FFAR4: variants seen among roughly 807,000 people sequenced by gnomAD.
FFAR4 encodes free fatty acid receptor 4, also known as G-protein coupled receptor 120.
Under a neutral mutation model 27.0 loss-of-function variants are expected in FFAR4, and 19 were observed. The ratio of observed to expected loss-of-function variants is 0.70; its 90% CI spans 0.49 to 1.03. FFAR4 has a LOEUF of 1.03. FFAR4 is among the 50% of genes least tolerant of loss of function. FFAR4 has a pLI of 0.00. For synonymous variants in FFAR4, 254 were observed against 215.6 expected, an observed-to-expected ratio of 1.18 and a Z score of -1.56; for missense variants, 476 against 479.0, an observed-to-expected ratio of 0.99 and a Z score of 0.06.
At chr10:93,585,351 G>T (rs1429466785) in intron 2 of FFAR4, among the ~76,000 whole-genome samples, 2 of 152,164 alleles carry the variant, frequency 1.3e-5, no homozygotes, top group Non-Finnish European at 2.9e-5. Context: ...TATTCCCCCA[G>T]TTGCCACCTC....
intron 2 of FFAR4, among the ~76,000 whole-genome samples, chr10:93,577,724 A>T (rs1206686317): frequency 2.0e-5 from 3 of 152,250 alleles, no homozygotes; most frequent in Non-Finnish European, 2.9e-5. Flanking sequence ...TATGCCAGGA[A>T]CTGACTCTTT....
intron 2 of FFAR4, among the ~76,000 whole-genome samples, chr10:93,582,967 A>C (rs1211422411): frequency 1.3e-5 from 2 of 152,030 alleles, no homozygotes; most frequent in African/African-American, 4.8e-5. Context: ...CTATCACAAG[A>C]ACAGCGTGGG....
chr10:93,572,241 G>T (rs185040254), intron 1 of FFAR4, among the ~76,000 whole-genome samples: 48 of 152,312 alleles, frequency 3.2e-4, no homozygotes, highest in African/African-American at 1.1e-3. Flanking sequence ...TGGGTGTGGG[G>T]AGTCCAGGAA....
At chr10:93,584,522 C>T (rs993225934) in intron 2 of FFAR4, among the ~76,000 whole-genome samples, 8 of 152,106 alleles carry the variant, frequency 5.3e-5, no homozygotes, top group Non-Finnish European at 7.4e-5. Context: ...AGTAAATGTG[C>T]GGCACAGTGC....
intron 2 of FFAR4, among the ~76,000 whole-genome samples, chr10:93,584,523 G>A (rs962658261): frequency 3.9e-5 from 6 of 152,142 alleles, no homozygotes; most frequent in Admixed American, 2.0e-4. Context: ...GTAAATGTGC[G>A]GCACAGTGCC....
chr10:93,570,376 T>TAA (rs200631699), intron 1 of FFAR4, among the ~76,000 whole-genome samples: 31 of 142,944 alleles, frequency 2.2e-4, no homozygotes, highest in African/African-American at 6.7e-4. Context: ...GTGTAGTCAT[T>TAA]AAAAAAAAAA....
intron 1 of FFAR4, among the ~76,000 whole-genome samples, chr10:93,572,170 GA>G (rs1467322605): frequency 6.6e-6 from 1 of 152,184 alleles, no homozygotes. Flanking sequence ...CTTCAGTGGG[GA>G]CTCCAGACAG....
chr10:93,583,498 T>C (rs1246943894), intron 2 of FFAR4, among the ~76,000 whole-genome samples: 1 of 151,986 alleles, frequency 6.6e-6, no homozygotes, highest in Non-Finnish European at 1.5e-5. Context: ...TGAAACAAAA[T>C]GCTGCAAGAT....
intron 1 of FFAR4, among the ~76,000 whole-genome samples, chr10:93,572,770 G>A (rs887584253): frequency 6.6e-6 from 1 of 152,144 alleles, no homozygotes; most frequent in African/African-American, 2.4e-5. Flanking sequence ...CGCCTATGAG[G>A]CCTCCTGCTG....
At chr10:93,574,285 C>G (rs1040751983) in intron 1 of FFAR4, among the ~76,000 whole-genome samples, 3 of 152,168 alleles carry the variant, frequency 2.0e-5, no homozygotes, top group Non-Finnish European at 4.4e-5. Flanking sequence ...GAGATTTTGG[C>G]AGACATTCTG....
intron 2 of FFAR4, among the ~76,000 whole-genome samples, chr10:93,584,895 G>A (rs992866759): frequency 3.9e-5 from 6 of 151,902 alleles, no homozygotes; most frequent in African/African-American, 1.5e-4. Context: ...TTTTAGTAGA[G>A]ACAGGGTTTC....
intron 2 of FFAR4, among the ~76,000 whole-genome samples, chr10:93,582,953 T>C (rs2058206833): frequency 6.6e-6 from 1 of 152,060 alleles, no homozygotes; most frequent in Non-Finnish European, 1.5e-5. Flanking sequence ...TGAGAACTCA[T>C]TCACTATCAC....
intron 1 of FFAR4, among the ~76,000 whole-genome samples, chr10:93,568,777 C>T (rs868387216): frequency 2.6e-4 from 40 of 152,198 alleles, no homozygotes; most frequent in African/African-American, 8.9e-4. Context: ...AACTTAAACA[C>T]TTGTTTCTAA....
chr10:93,576,269 A>T (rs758799848), intron 2 of FFAR4, 50 bp downstream of exon 2: 40 of 1,605,118 alleles, frequency 2.5e-5, no homozygotes, highest in Non-Finnish European at 3.2e-5. Context: ...GCTTGGGGTT[A>T]TTTCTGCTAG....
chr10:93,578,438 A>C (rs1336378810), intron 2 of FFAR4, among the ~76,000 whole-genome samples: 1 of 151,596 alleles, frequency 6.6e-6, no homozygotes, highest in Non-Finnish European at 1.5e-5. Flanking sequence ...AAAAAAAAAA[A>C]AAACGAGAAA....
intron 2 of FFAR4, among the ~76,000 whole-genome samples, chr10:93,576,746 T>A (rs974122592): frequency 6.6e-6 from 1 of 152,240 alleles, no homozygotes; most frequent in African/African-American, 2.4e-5. Context: ...TTCCTATATC[T>A]CTAACTCATT....
intron 2 of FFAR4, chr10:93,579,166 AACACCTCCTGGATGCAAGAG>A: frequency 6.2e-7 from 1 of 1,614,140 alleles, no homozygotes; most frequent in Non-Finnish European, 8.5e-7. Flanking sequence ...CAGACCTCGG[AACACCTCCTGGATGCAAGAG>A]CTGTCGTGAC....
At chr10:93,567,454 C>T (rs112831600) in intron 1 of FFAR4, among the ~76,000 whole-genome samples, 167 bp downstream of exon 1, 1 of 152,232 alleles carries the variant, frequency 6.6e-6, no homozygotes, top group African/African-American at 2.4e-5. Flanking sequence ...TCTCTTAAAT[C>T]TCACTACAAC....
chr10:93,584,733 G>A (rs779476515), intron 2 of FFAR4, among the ~76,000 whole-genome samples: 2 of 151,682 alleles, frequency 1.3e-5, no homozygotes, highest in Non-Finnish European at 2.9e-5. Flanking sequence ...TTGAGACAGG[G>A]CCTCACTGTG....
Sources: gnomAD v4.1 joint callset for allele counts (sites outside exome capture counted in the v4.1 genomes callset) on GRCh38, gnomAD v4.1.1 for gene constraint, MANE v1.5 for transcripts, NCBI Gene and HGNC (gene_info 2026-07-23, HGNC 2026-07-21) for gene names.